The following CACNA1A variants were observed in gnomAD, a reference collection of about 807,000 sequenced individuals.
The protein encoded by CACNA1A is voltage-dependent P/Q-type calcium channel subunit alpha-1A.
Under a neutral mutation model 262.4 loss-of-function variants are expected in CACNA1A, and 57 were observed. That is an observed-to-expected ratio of 0.22 (90% CI 0.18 to 0.27). The LOEUF is 0.27. Among genes scored for constraint, CACNA1A ranks in the 10% least tolerant of loss-of-function variants. The pLI, the probability that CACNA1A is intolerant of heterozygous loss-of-function variation, is 1.00. For synonymous variants in CACNA1A, 1,431 were observed against 1,419.3 expected (o/e 1.01, Z -0.18); for missense variants, 2,526 against 3,562.8 (o/e 0.71, Z 7.41).
intron 26 of CACNA1A, chr19:13,260,633 C>A (rs116274795): frequency 0.018 from 2,764 of 152,204 alleles, 18 homozygotes; most frequent in African/African-American, 0.026. Flanking sequence ...TAAGCATGAG[C>A]CACTGCGCCC....
rs375770864 is a variant in CACNA1A, at chr19:13,304,721, A to G, written c.1987-837T>C. Among the ~76,000 whole-genome samples the G allele has an allele frequency of 2.0e-5, 3 of 151,284 alleles. No homozygotes were observed. In the East Asian group the frequency reaches 5.8e-4, roughly 29 times the overall value. On this transcript the variant is annotated intron_variant, in intron 15 of 46. Transcript: ENST00000360228. ...ACAACTCTCTCTCTCTCTCTTTGAC[A>G]TATGAGGACACAGCAAGAAGGTGGC...
At chr19:13,285,712 G>A (rs1215359015) in intron 20 of CACNA1A, among the ~76,000 whole-genome samples, 12 of 152,014 alleles carry the variant, frequency 7.9e-5, no homozygotes. Context: ...CTTGACTCAG[G>A]GGGAGGAGCC....
chr19:13,332,528 G>A (rs1156432321), intron 9 of CACNA1A, among the ~76,000 whole-genome samples: 2 of 152,102 alleles, frequency 1.3e-5, no homozygotes, highest in African/African-American at 2.4e-5. Context: ...AAACAGAAAC[G>A]TGCTGACCCC....
intron 1 of CACNA1A, among the ~76,000 whole-genome samples, chr19:13,482,331 A>G (rs751180074): frequency 6.6e-6 from 1 of 152,020 alleles, no homozygotes; most frequent in Non-Finnish European, 1.5e-5. Context: ...AAATACAAAA[A>G]AACTAGCCGG....
intron 3 of CACNA1A, among the ~76,000 whole-genome samples, chr19:13,377,469 TCTC>T (rs1287676738): frequency 1.3e-5 from 2 of 151,288 alleles, no homozygotes; most frequent in Non-Finnish European, 2.9e-5. Context: ...TTCAAGCAAT[TCTC>T]CTGCCTCAGC....
chr19:13,334,948 C>A (rs902932316), intron 7 of CACNA1A, among the ~76,000 whole-genome samples: 105 of 151,700 alleles, frequency 6.9e-4, no homozygotes, highest in Non-Finnish European at 1.5e-3. Context: ...GCAGGAGGAT[C>A]GCTTGTGCCT....
intron 29 of CACNA1A, 35 bp from the exon 30 acceptor site, chr19:13,253,136 G>C (rs142515890): frequency 3.6e-6 from 5 of 1,381,698 alleles, no homozygotes; most frequent in African/African-American, 1.4e-5. Flanking sequence ...AGGGGTCAGC[G>C]AGCAGGGGTG....
At chr19:13,361,205 T>C (rs12977265) in intron 5 of CACNA1A, among the ~76,000 whole-genome samples, 12,569 of 152,222 alleles carry the variant, frequency 0.083, 665 homozygotes, top group Middle Eastern at 0.18. Context: ...GAACAGGAGC[T>C]GAGCTTTCTC....
intron 38 of CACNA1A, among the ~76,000 whole-genome samples, chr19:13,222,887 G>T (rs921603584): frequency 1.3e-5 from 2 of 151,778 alleles, no homozygotes; most frequent in African/African-American, 4.8e-5. Context: ...TAGAGATGGG[G>T]TTTCACCATG....
intron 1 of CACNA1A, among the ~76,000 whole-genome samples, chr19:13,467,492 A>C (rs929441591): frequency 2.6e-5 from 4 of 152,108 alleles, no homozygotes; most frequent in Non-Finnish European, 4.4e-5. Flanking sequence ...TAAAATGATA[A>C]TAATAACTAT....
chr19:13,483,119 T>TA (rs1161389731), intron 1 of CACNA1A, among the ~76,000 whole-genome samples: 1 of 152,116 alleles, frequency 6.6e-6, no homozygotes, highest in Non-Finnish European at 1.5e-5. Context: ...TAAGGTTCAC[T>TA]ACTTCTATAT....
At chr19:13,362,692 G>GGTATAAT (rs1380635395) in intron 5 of CACNA1A, 1 of 152,148 alleles carries the variant, frequency 6.6e-6, no homozygotes, top group Non-Finnish European at 1.5e-5. Flanking sequence ...GGGGGGCGTG[G>GGTATAAT]GTATAATCAC....
intron 3 of CACNA1A, among the ~76,000 whole-genome samples, chr19:13,426,947 G>C (rs1017891778): frequency 6.6e-6 from 1 of 152,184 alleles, no homozygotes; most frequent in African/African-American, 2.4e-5. Context: ...AATAGAATTT[G>C]TCTAAAAATG....
At chr19:13,215,678 G>A (rs1164551414) in intron 38 of CACNA1A, among the ~76,000 whole-genome samples, 2 of 147,344 alleles carry the variant, frequency 1.4e-5, no homozygotes, top group African/African-American at 2.5e-5. Context: ...GTGCAGTCAT[G>A]TGATCTCGAC....
chr19:13,400,778 C>A (rs1392214785), intron 3 of CACNA1A, among the ~76,000 whole-genome samples: 1 of 152,056 alleles, frequency 6.6e-6, no homozygotes, highest in Non-Finnish European at 1.5e-5. Flanking sequence ...TAATGCAGCC[C>A]CCAAAGTCAT....
rs1555781830 is a variant in CACNA1A at position 13,406,509 on chromosome 19, A to ATATG, written c.540-34734_540-34731dup. Among the ~76,000 whole-genome samples the ATATG allele has an allele frequency of 1.5e-3, 164 of 109,650 alleles. 6 individuals carry two copies. Among genetic ancestry groups the ATATG allele is most frequent in the African/African-American group, 4.6e-3 (137 of 29,800 alleles). 71.9% of individuals were successfully genotyped at this position (109,650 alleles called of 152,430 possible). On this transcript the variant is annotated intron_variant, in intron 3 of 46. Transcript: ENST00000360228. ...TATATATATATATATATATATATAT[A>ATATG]TATGAAGGGAATCTGATCCCTAACA...
intron 15 of CACNA1A, among the ~76,000 whole-genome samples, chr19:13,304,886 T>C (rs1420851071): frequency 1.3e-5 from 2 of 152,232 alleles, no homozygotes; most frequent in Non-Finnish European, 2.9e-5. Flanking sequence ...TATTTTGTTA[T>C]GGCTGCCTGA....
chr19:13,298,784 C>T lies in CACNA1A; in HGVS notation c.2849G>A (p.Gly950Asp). 1 of 1,538,164 alleles carries T rather than the reference C, an allele frequency of 6.5e-7. No homozygotes were observed. The highest frequency in any genetic ancestry group is 8.7e-7 in the Non-Finnish European group (1 of 1,152,766). ...RESRSGSPRTGADGEHRRHRA... is the reference protein window; with the variant it reads ...RESRSGSPRTDADGEHRRHRA... ...ATGACGTCGATGCTCCCCGTCCGCG[C>T]CCGTGCGCGGGGACCCGCTGCGGCT... Residue 950 changes from glycine (G) to aspartate (D), a missense_variant, in exon 19 of 47, where the codon GGC becomes GAC. By Grantham distance (94) the Gly-to-Asp change is moderately conservative. This residue lies in a region of CACNA1A where 765 missense variants were observed against 748.6 expected (regional missense o/e 1.02). Coordinates refer to ENST00000360228, the MANE Select transcript of CACNA1A (RefSeq NM_001127222.2).
intron 10 of CACNA1A, among the ~76,000 whole-genome samples, chr19:13,319,035 C>T (rs1478709211): frequency 2.0e-5 from 3 of 151,442 alleles, no homozygotes; most frequent in African/African-American, 7.3e-5. Context: ...ACTACAGGCA[C>T]GTACCACCAT....
Sources: gnomAD v4.1 joint callset for allele counts (sites outside exome capture counted in the v4.1 genomes callset) on GRCh38, gnomAD v4.1.1 for gene constraint, gnomAD v4.1.1 regional missense constraint, MANE v1.5 for transcripts, NCBI Gene and HGNC (gene_info 2026-07-23, HGNC 2026-07-21) for gene names.